Variants in PGGT1B observed in about 807,000 individuals in gnomAD.
PGGT1B encodes geranylgeranyl transferase type-1 subunit beta.
A neutral mutation model predicts 46.1 loss-of-function variants in PGGT1B; 30 were observed. That is an observed-to-expected ratio of 0.65 (90% confidence interval 0.49 to 0.88). PGGT1B has a LOEUF of 0.88. Ranked by LOEUF, PGGT1B falls within the 40% of genes least tolerant of loss-of-function variation. The pLI is 0.00. For missense variants in PGGT1B, 376 were observed against 455.9 expected (o/e 0.82, Z 1.60); for synonymous variants, 170 against 160.0 (o/e 1.06, Z -0.47).
chr5:115,241,622 A>T lies in PGGT1B; in HGVS notation c.260-16T>A. The T allele has an allele frequency of 2.5e-6, 4 of 1,590,238 alleles. No individual in the cohort carries two copies. Among genetic ancestry groups the T allele is most frequent in the Non-Finnish European group, 3.4e-6 (4 of 1,164,782 alleles). On this transcript the variant is annotated splice_polypyrimidine_tract_variant and intron_variant, in intron 2 of 8. Transcript: ENST00000419445. Reference sequence around the variant, plus strand: ...AGATTTGATCCTAGAAAATAAAAGCATGTGCTTATTTAAAGTACACTTTAT... The same window carrying T: ...AGATTTGATCCTAGAAAATAAAAGCTTGTGCTTATTTAAAGTACACTTTAT...
intron 5 of PGGT1B, among the ~76,000 whole-genome samples, chr5:115,234,919 C>T (rs989801161): frequency 3.9e-5 from 6 of 152,042 alleles, no homozygotes; most frequent in African/African-American, 1.4e-4. Context: ...TTTCCTATCT[C>T]TGCCCGAGAA....
intron 1 of PGGT1B, among the ~76,000 whole-genome samples, chr5:115,255,063 T>C (rs1388321182): frequency 2.0e-5 from 3 of 152,144 alleles, no homozygotes; most frequent in African/African-American, 7.2e-5. Flanking sequence ...TCTAATCAGC[T>C]TCCAATAATT....
chr5:115,230,302 T>C (rs1756936705), intron 6 of PGGT1B, among the ~76,000 whole-genome samples: 1 of 152,118 alleles, frequency 6.6e-6, no homozygotes, highest in Non-Finnish European at 1.5e-5. Context: ...ACTGCTGTGA[T>C]GAGGAAGAAA....
At position 115,212,527 on chromosome 5, in the gene PGGT1B, T is replaced by C; in HGVS notation, c.1009A>G (p.Ile337Val). The change falls in exon 9 of 9, where the codon ATT becomes GTT. Residue 337 changes from isoleucine to valine, a missense_variant. Transcript: ENST00000419445. ...CGLSLMEESG[I>V]CKVHPALNVS... ...TTCAGAGCAGGATGAACTTTACAAA[T>C]TCCACTTTCCTCCATTAGTGACAGG... is the stretch of plus-strand genomic sequence containing the variant. 1 of 1,613,608 alleles carries C rather than the reference T, an allele frequency of 6.2e-7. No individual in the cohort carries two copies. The highest frequency in any genetic ancestry group is 8.5e-7 in the Non-Finnish European group (1 of 1,179,726).
chr5:115,241,528 A>G lies in PGGT1B; in HGVS notation c.327+11T>C. On this transcript the variant is annotated intron_variant, in intron 3 of 8. Coordinates refer to ENST00000419445, the MANE Select transcript of PGGT1B (RefSeq NM_005023.4). ...TCCCTTCTACTTCCTTCTGAACCAA[A>G]TAGAACCAACCTTTGATGGATTGAA... 1 of 1,582,314 alleles carries G rather than the reference A, an allele frequency of 6.3e-7. No homozygotes were observed. The highest frequency in any genetic ancestry group is 8.6e-7 in the Non-Finnish European group (1 of 1,160,392).
intron 1 of PGGT1B, among the ~76,000 whole-genome samples, chr5:115,259,461 G>T (rs908002416): frequency 1.3e-4 from 20 of 151,996 alleles, no homozygotes; most frequent in Non-Finnish European, 2.6e-4. Flanking sequence ...AGGCCGAGGC[G>T]GGCGGATCAC....
At chr5:115,242,534 T>C (rs537803726) in intron 2 of PGGT1B, among the ~76,000 whole-genome samples, 2 of 152,356 alleles carry the variant, frequency 1.3e-5, no homozygotes, top group Admixed American at 1.3e-4. Flanking sequence ...TTAGGTACTA[T>C]ATTTTTTCAG....
At chr5:115,228,927 G>A (rs976976901) in intron 6 of PGGT1B, among the ~76,000 whole-genome samples, 5 of 152,084 alleles carry the variant, frequency 3.3e-5, no homozygotes, top group African/African-American at 1.2e-4. Flanking sequence ...CTTACACAGA[G>A]AATTACAGAA....
In PGGT1B at chr5:115,205,529, C is replaced by G. The variant is rs898340314; in HGVS notation, c.*6873G>C. 8 of 152,066 alleles carry G rather than the reference C, an allele frequency of 5.3e-5. No individual in the cohort carries two copies. Among genetic ancestry groups the G allele is most frequent in the Admixed American group, 5.2e-4 (8 of 15,240 alleles). 9.4% of individuals were successfully genotyped at this position (152,066 alleles called of 1,614,324 possible). A position where few individuals can be genotyped will look rare whatever the true frequency, so the allele number is the denominator to read the frequency against. On this transcript the variant is annotated 3_prime_UTR_variant, in exon 9 of 9. Transcript: ENST00000419445. ...ATAAAAAGAATGTTATTTCTGGAGA[C>G]AGAAAACATGCACTCTAGTTACAGT... is the stretch of plus-strand genomic sequence containing the variant.
At chr5:115,246,052 T>C (rs1747819383) in intron 2 of PGGT1B, among the ~76,000 whole-genome samples, 1 of 152,140 alleles carries the variant, frequency 6.6e-6, no homozygotes, top group Non-Finnish European at 1.5e-5. Context: ...TTTTCACCAC[T>C]TAATTTTTCA....
At chr5:115,258,237 C>A (rs1030971168) in intron 1 of PGGT1B, among the ~76,000 whole-genome samples, 7 of 152,154 alleles carry the variant, frequency 4.6e-5, no homozygotes, top group Non-Finnish European at 8.8e-5. Context: ...TCAACTGGCT[C>A]CTTTTGCCTT....
At chr5:115,233,775 CA>C (rs930684804) in intron 5 of PGGT1B, among the ~76,000 whole-genome samples, 1 of 151,538 alleles carries the variant, frequency 6.6e-6, no homozygotes, top group Admixed American at 6.6e-5. Flanking sequence ...AAGGTAAAAA[CA>C]AAAAAAGTAT....
chr5:115,238,543 T>C (rs1196813562), intron 3 of PGGT1B, among the ~76,000 whole-genome samples: 6 of 151,980 alleles, frequency 3.9e-5, no homozygotes, highest in African/African-American at 4.8e-5. Context: ...GAAAAGCATA[T>C]AGCCTTCCAG....
At chr5:115,224,412 T>G (rs1756694465) in intron 6 of PGGT1B, among the ~76,000 whole-genome samples, 1 of 152,216 alleles carries the variant, frequency 6.6e-6, no homozygotes, top group Non-Finnish European at 1.5e-5. Flanking sequence ...CTACTGGATT[T>G]TGAACATAGT....
chr5:115,213,355 T>C (rs184507206), intron 8 of PGGT1B, among the ~76,000 whole-genome samples: 439 of 152,338 alleles, frequency 2.9e-3, no homozygotes, highest in Middle Eastern at 6.8e-3. Context: ...AGGAGTCTTA[T>C]GTAGACTTCT....
Position 115,206,591 on chromosome 5 carries a change from C to CA in PGGT1B, c.*5810dup, listed in dbSNP as rs1252162591. 1.3e-5 allele frequency: 2 copies of CA among 151,932 alleles called. No individual in the cohort carries two copies. The highest frequency in any genetic ancestry group is 4.8e-5 in the African/African-American group (2 of 41,436). The allele number at this position is 151,932 out of a possible 1,614,324, so 9.4% of individuals were successfully genotyped here. A position where few individuals can be genotyped will look rare whatever the true frequency, so the allele number is the denominator to read the frequency against. ...AATACAAAACTTTTCATTTATTCAA[C>CA]ATTACGAATGCCTTCCAATATCCAT... On this transcript the variant is annotated 3_prime_UTR_variant, in exon 9 of 9. Transcript: ENST00000419445.
In PGGT1B at chr5:115,206,819, AG is replaced by A. The variant is rs1242301050; in HGVS notation, c.*5582del. On this transcript the variant is annotated 3_prime_UTR_variant, in exon 9 of 9. Transcript: ENST00000419445. ...AAAATTCTGATAGCTTCTGCCATGG[AG>A]GATTTAGAGTATGTTTTAGTGTCGG... 9.9e-5 allele frequency: 15 copies of A among 151,824 alleles called. No homozygotes were observed. The highest frequency in any genetic ancestry group is 3.1e-4 in the African/African-American group (13 of 41,388). The allele number at this position is 151,824 out of a possible 1,614,324, so 9.4% of individuals were successfully genotyped here.
intron 1 of PGGT1B, among the ~76,000 whole-genome samples, chr5:115,262,301 TAC>T (rs1462091048): frequency 2.0e-5 from 3 of 152,142 alleles, no homozygotes; most frequent in Non-Finnish European, 4.4e-5. Context: ...TAAAACACCA[TAC>T]AGACACTCTA....
intron 5 of PGGT1B, among the ~76,000 whole-genome samples, chr5:115,234,138 TAAG>T (rs1257160278): frequency 6.9e-6 from 1 of 145,910 alleles, no homozygotes; most frequent in Non-Finnish European, 1.5e-5. Flanking sequence ...TCTGAACTGA[TAAG>T]GAGTAATTTT....
Sources: allele counts gnomAD v4.1 joint callset (sites outside exome capture counted in the v4.1 genomes callset), GRCh38; gene constraint gnomAD v4.1.1; transcripts MANE v1.5; gene names NCBI Gene and HGNC (gene_info 2026-07-23, HGNC 2026-07-21).